The following SLC24A2 variants were observed in gnomAD, a reference collection of about 807,000 sequenced individuals.
SLC24A2 encodes sodium/potassium/calcium exchanger 2.
A neutral mutation model predicts 62.0 loss-of-function variants in SLC24A2; 36 were observed. That is an observed-to-expected ratio of 0.58 (90% CI 0.44 to 0.77). The LOEUF (loss-of-function observed/expected upper bound fraction) is 0.77, where lower values mean the gene tolerates loss of function less well. SLC24A2 is among the 30% of genes least tolerant of loss of function. The probability of loss-of-function intolerance (pLI) is 0.00; values close to 1 mark genes in which losing one functional copy is unlikely to be tolerated. For synonymous variants in SLC24A2, 358 were observed against 294.0 expected (o/e 1.22, Z -2.23); for missense variants, 846 against 817.9 (o/e 1.03, Z -0.42).
At chr9:20,271,971 G>T in the SLC24A2 span, among the ~76,000 whole-genome samples, 1 of 137,810 alleles carries the variant, frequency 7.3e-6, no homozygotes, top group Non-Finnish European at 1.6e-5. Context: ...CCATCTGGAG[G>T]GGGAAAGGTT....
In SLC24A2 at chr9:19,613,646, T is replaced by G. The variant is rs1276333016; in HGVS notation, c.1078+5938A>C. 3.3e-5 allele frequency among the ~76,000 whole-genome samples: 5 copies of G among 152,118 alleles called. No homozygotes were observed. The East Asian group carries it at 9.6e-4, about 29-fold the overall frequency. On this transcript the variant is annotated intron_variant, in intron 4 of 10. Transcript: ENST00000341998. The stretch of plus-strand genomic sequence containing the variant: ...TCCTAAGTAGAAGTGGTAGCAGTAG[T>G]AGTAGTAATAATAATATCAATAACA...
At chr9:20,019,499 G>A in the SLC24A2 span, among the ~76,000 whole-genome samples, 2 of 152,266 alleles carry the variant, frequency 1.3e-5, no homozygotes, top group Middle Eastern at 3.4e-3. Flanking sequence ...TAGATGTGTG[G>A]CGTTATTTCT....
chr9:19,756,725 C>G (rs184545234), intron 2 of SLC24A2, among the ~76,000 whole-genome samples: 163 of 152,146 alleles, frequency 1.1e-3, no homozygotes, highest in African/African-American at 3.8e-3. Flanking sequence ...CCATTTCAGA[C>G]CAGGCTCTTT....
At chr9:20,218,103 A>C in the SLC24A2 span, among the ~76,000 whole-genome samples, 20 of 152,312 alleles carry the variant, frequency 1.3e-4, no homozygotes, top group South Asian at 4.1e-4. Context: ...AGACATACAC[A>C]TATGTTGAGC....
chr9:19,960,467 G>A, the SLC24A2 span, among the ~76,000 whole-genome samples: 5 of 152,204 alleles, frequency 3.3e-5, no homozygotes, highest in Admixed American at 2.6e-4. Flanking sequence ...AGTAGGAAGA[G>A]AATGGAATTT....
At chr9:19,519,410 A>C (rs940765275) in intron 10 of SLC24A2, among the ~76,000 whole-genome samples, 6 of 151,852 alleles carry the variant, frequency 4.0e-5, no homozygotes, top group Admixed American at 3.9e-4. Context: ...AACAAAAAGC[A>C]TTTTGTAATT....
intron 2 of SLC24A2, among the ~76,000 whole-genome samples, chr9:19,665,324 G>A (rs1044568429): frequency 6.6e-6 from 1 of 152,154 alleles, no homozygotes; most frequent in Non-Finnish European, 1.5e-5. Flanking sequence ...GAGAGGTGCT[G>A]AGAAGGCAGA....
chr9:20,287,441 C>T, the SLC24A2 span, among the ~76,000 whole-genome samples: 1 of 152,138 alleles, frequency 6.6e-6, no homozygotes, highest in Non-Finnish European at 1.5e-5. Context: ...TATCAACTCC[C>T]CTGGGGTGAG....
At chr9:20,114,444 G>T in the SLC24A2 span, among the ~76,000 whole-genome samples, 35 of 152,194 alleles carry the variant, frequency 2.3e-4, no homozygotes, top group African/African-American at 8.4e-4. Flanking sequence ...AGCAAGGTGT[G>T]AAAGGACAAA....
chr9:19,598,662 T>A (rs1836767856), intron 4 of SLC24A2, among the ~76,000 whole-genome samples: 1 of 151,920 alleles, frequency 6.6e-6, no homozygotes, highest in Non-Finnish European at 1.5e-5. Context: ...GTGAAAAAAA[T>A]ATATACATAC....
chr9:19,728,673 A>C (rs561998694), intron 2 of SLC24A2, among the ~76,000 whole-genome samples: 34 of 152,012 alleles, frequency 2.2e-4, no homozygotes, highest in Non-Finnish European at 2.8e-4. Flanking sequence ...TGTCACCAAC[A>C]TTTTACATCC....
chr9:20,182,292 C>T, the SLC24A2 span, among the ~76,000 whole-genome samples: 2 of 152,248 alleles, frequency 1.3e-5, no homozygotes, highest in Non-Finnish European at 1.5e-5. Context: ...TGGGTATATA[C>T]CCAAAGGATT....
intron 2 of SLC24A2, among the ~76,000 whole-genome samples, chr9:19,636,349 TTC>T (rs1818343965): frequency 5.5e-5 from 2 of 36,476 alleles, no homozygotes; most frequent in African/African-American, 2.6e-4. Flanking sequence ...CTTTCTTTCT[TTC>T]TTTCTTTCTT....
chr9:19,803,420 T>C, the SLC24A2 span, among the ~76,000 whole-genome samples: 19 of 152,282 alleles, frequency 1.2e-4, no homozygotes, highest in South Asian at 2.1e-4. Flanking sequence ...TGATGGTGCT[T>C]GAGAAAAATT....
chr9:20,050,698 C>T, the SLC24A2 span, among the ~76,000 whole-genome samples: 2 of 152,120 alleles, frequency 1.3e-5, no homozygotes, highest in African/African-American at 4.8e-5. Context: ...ATACATTACC[C>T]AGCATAGTAC....
chr9:19,892,551 C>A, the SLC24A2 span, among the ~76,000 whole-genome samples: 1 of 152,190 alleles, frequency 6.6e-6, no homozygotes, highest in Non-Finnish European at 1.5e-5. Context: ...TATCCACTGT[C>A]CACACATCCT....
chr9:20,067,181 TTTAC>T, the SLC24A2 span, among the ~76,000 whole-genome samples: 2 of 152,330 alleles, frequency 1.3e-5, no homozygotes, highest in Non-Finnish European at 2.9e-5. Context: ...TTAAACAGTG[TTTAC>T]TTAGTTATAA....
chr9:20,000,322 T>C, the SLC24A2 span, among the ~76,000 whole-genome samples: 1 of 152,208 alleles, frequency 6.6e-6, no homozygotes, highest in African/African-American at 2.4e-5. Flanking sequence ...CTTGCCCAAG[T>C]AGCTAGTATG....
chr9:20,103,382 G>T, the SLC24A2 span, among the ~76,000 whole-genome samples: 4 of 152,244 alleles, frequency 2.6e-5, no homozygotes, highest in South Asian at 8.3e-4. Flanking sequence ...CTGAGAACAG[G>T]CAGACTGCCT....
Sources: allele counts gnomAD v4.1 joint callset (sites outside exome capture counted in the v4.1 genomes callset), GRCh38; gene constraint gnomAD v4.1.1; transcripts MANE v1.5; gene names NCBI Gene and HGNC (gene_info 2026-07-23, HGNC 2026-07-21).